The following LONRF2 variants were observed in gnomAD, a reference collection of about 807,000 sequenced individuals.
LONRF2 encodes LON peptidase N-terminal domain and RING finger protein 2.
Under a neutral mutation model 66.6 loss-of-function variants are expected in LONRF2, and 35 were observed. The observed-to-expected ratio is 0.53, with a 90% CI of 0.40 to 0.70. The LOEUF is 0.70. Ranked by LOEUF, LONRF2 falls within the 30% of genes least tolerant of loss-of-function variation. LONRF2 has a pLI of 0.00. For missense variants in LONRF2, 902 were observed against 1,002.1 expected (o/e 0.90, Z 1.35); for synonymous variants, 417 against 418.1 (o/e 1.00, Z 0.03).
At chr2:100,310,749 A>G (rs1437632870) in intron 1 of LONRF2, among the ~76,000 whole-genome samples, 1 of 152,238 alleles carries the variant, frequency 6.6e-6, no homozygotes, top group Non-Finnish European at 1.5e-5. Context: ...AACAGGCCAG[A>G]TAGTAACTAT....
chr2:100,292,061 G>C (rs1674972292), intron 9 of LONRF2, among the ~76,000 whole-genome samples: 2 of 152,184 alleles, frequency 1.3e-5, no homozygotes, highest in Admixed American at 1.3e-4. Context: ...CCAAACTAAA[G>C]AGCAGCGATG....
At chr2:100,321,064 G>A (rs1675611658) in intron 1 of LONRF2, among the ~76,000 whole-genome samples, 1 of 152,172 alleles carries the variant, frequency 6.6e-6, no homozygotes, top group East Asian at 1.9e-4. Context: ...TGTCAGCTAT[G>A]TGCATTTTCC....
intron 7 of LONRF2, among the ~76,000 whole-genome samples, chr2:100,297,855 T>C (rs1675103854): frequency 1.3e-5 from 2 of 152,240 alleles, no homozygotes; most frequent in South Asian, 4.1e-4. Context: ...ATGTTTTCAA[T>C]TGTAACTAGT....
chr2:100,291,615 C>G (rs1301512614), intron 9 of LONRF2, among the ~76,000 whole-genome samples: 1 of 152,114 alleles, frequency 6.6e-6, no homozygotes, highest in Non-Finnish European at 1.5e-5. Context: ...CTGAATTGCT[C>G]AAATCACTTG....
chr2:100,298,511 A>G (rs1414910540), intron 7 of LONRF2, among the ~76,000 whole-genome samples: 6 of 152,248 alleles, frequency 3.9e-5, no homozygotes, highest in African/African-American at 1.4e-4. Flanking sequence ...GAAAAAGAGA[A>G]TTCCTGGAGC....
chr2:100,287,152 T>C lies in LONRF2; in HGVS notation c.1921-89A>G, dbSNP rs1674864305. The C allele has an allele frequency of 1.5e-5, 18 of 1,202,600 alleles. No individual in the cohort carries two copies. In the South Asian group the frequency reaches 3.6e-4, roughly 24 times the overall value. The allele number at this position is 1,202,600 out of a possible 1,614,324, so 74.5% of individuals were successfully genotyped here. ...GACCTCTGCACCTCCACTAAGTGGA[T>C]TTGTGGCAGTTAGCATTTTAATAAT... On this transcript the variant is annotated intron_variant, in intron 10 of 11. Transcript: ENST00000393437.
chr2:100,304,570 T>A (rs1386413276), intron 2 of LONRF2, among the ~76,000 whole-genome samples: 1 of 151,936 alleles, frequency 6.6e-6, no homozygotes, highest in Admixed American at 6.6e-5. Context: ...TTCTTCAAAG[T>A]CTCTTTGTGG....
At chr2:100,306,894 C>CT (rs34961905) in intron 2 of LONRF2, among the ~76,000 whole-genome samples, 1,890 of 136,978 alleles carry the variant, frequency 0.014, 14 homozygotes, top group South Asian at 0.037. Flanking sequence ...CTTAAACTTA[C>CT]TTTTTTTTTT....
chr2:100,307,728 A>T (rs1228151885), intron 2 of LONRF2, among the ~76,000 whole-genome samples: 6 of 152,194 alleles, frequency 3.9e-5, no homozygotes, highest in Admixed American at 3.3e-4. Flanking sequence ...CTGCTAGGAG[A>T]ATAGATTTTA....
chr2:100,319,431 T>C (rs1675578250), intron 1 of LONRF2, among the ~76,000 whole-genome samples: 1 of 152,186 alleles, frequency 6.6e-6, no homozygotes, highest in Admixed American at 6.5e-5. Context: ...CACACTTGTG[T>C]ATCCATCCCC....
chr2:100,319,029 C>A (rs532228222), intron 1 of LONRF2, among the ~76,000 whole-genome samples: 11 of 151,358 alleles, frequency 7.3e-5, no homozygotes, highest in Admixed American at 4.6e-4. Flanking sequence ...ACTTGGGAGG[C>A]TGAGGCAGGA....
chr2:100,299,504 A>C (rs1442875174), intron 5 of LONRF2, among the ~76,000 whole-genome samples, 185 bp from the exon 6 acceptor site: 1 of 152,206 alleles, frequency 6.6e-6, no homozygotes, highest in Non-Finnish European at 1.5e-5. Flanking sequence ...AGCATGAATA[A>C]AATTTTAAAT....
intron 9 of LONRF2, among the ~76,000 whole-genome samples, chr2:100,291,515 G>T (rs528720161): frequency 6.6e-6 from 1 of 151,886 alleles, no homozygotes; most frequent in Admixed American, 6.6e-5. Flanking sequence ...AGCAGTCCCC[G>T]GCCACTGCCT....
At chr2:100,292,987 G>A (rs567789521) in intron 9 of LONRF2, among the ~76,000 whole-genome samples, 9 of 152,062 alleles carry the variant, frequency 5.9e-5, no homozygotes, top group East Asian at 1.9e-4. Flanking sequence ...GACCTGTTTC[G>A]GATCTCTACA....
chr2:100,281,926 T>TA lies in LONRF2; in HGVS notation c.*2371dup, dbSNP rs536000989. The TA allele has an allele frequency of 2.0e-5, 3 of 151,780 alleles. No homozygotes were observed. The highest frequency in any genetic ancestry group is 4.4e-5 in the Non-Finnish European group (3 of 67,952). 9.4% of individuals were successfully genotyped at this position (151,780 alleles called of 1,614,324 possible). ...TTTGTAAGGGAGGCTTCCTTCATGATATGACCGTAGGATGCTGTCACCCTG... is the reference window on the plus strand; with the variant it reads ...TTTGTAAGGGAGGCTTCCTTCATGATAATGACCGTAGGATGCTGTCACCCTG... On this transcript the variant is annotated 3_prime_UTR_variant, in exon 12 of 12. Coordinates refer to ENST00000393437, the MANE Select transcript of LONRF2 (RefSeq NM_198461.4).
chr2:100,290,804 G>A (rs1463565512), intron 9 of LONRF2, among the ~76,000 whole-genome samples: 2 of 152,298 alleles, frequency 1.3e-5, no homozygotes, highest in Admixed American at 6.5e-5. Flanking sequence ...GCTTTCCAAA[G>A]CTCTCCCCAG....
At position 100,299,742 on chromosome 2, in the gene LONRF2, G is replaced by C; in HGVS notation, c.1242C>G (p.Asn414Lys). 6.2e-7 allele frequency: 1 copy of C among 1,614,064 alleles called. No homozygotes were observed. The highest frequency in any genetic ancestry group is 8.5e-7 in the Non-Finnish European group (1 of 1,180,000). Residue 414 changes from asparagine to lysine, a missense_variant, in exon 5 of 12, where the codon AAC becomes AAG. Transcript: ENST00000393437. ...CTTTCTTGGGAATTTTTCCAGGGGC[G>C]TTCAGGTCAGGTGCATCCTCCACGT... ...PDDVEDAPDL[N>K]APGKIPKKDL...
At chr2:100,311,045 C>T (rs1217202726) in intron 1 of LONRF2, among the ~76,000 whole-genome samples, 4 of 152,134 alleles carry the variant, frequency 2.6e-5, no homozygotes, top group African/African-American at 9.7e-5. Context: ...TGTATTTCAT[C>T]TTTGAAAATG....
intron 2 of LONRF2, among the ~76,000 whole-genome samples, chr2:100,305,912 G>A (rs1030504847): frequency 9.9e-5 from 15 of 152,044 alleles, no homozygotes; most frequent in African/African-American, 3.6e-4. Context: ...TTTTTGAGAT[G>A]GAGTCTCGCT....
Sources: gnomAD v4.1 joint callset for allele counts (sites outside exome capture counted in the v4.1 genomes callset) on GRCh38, gnomAD v4.1.1 for gene constraint, MANE v1.5 for transcripts, NCBI Gene and HGNC (gene_info 2026-07-23, HGNC 2026-07-21) for gene names.